The following CADM2 variants were observed in gnomAD, a reference collection of about 807,000 sequenced individuals.
CADM2 encodes the protein cell adhesion molecule 2.
CADM2 carries 12 observed loss-of-function variants against 49.8 expected under a neutral mutation model. The observed-to-expected ratio is 0.24, with a 90% confidence interval of 0.15 to 0.39. The LOEUF (loss-of-function observed/expected upper bound fraction) is 0.39, where lower values mean the gene tolerates loss of function less well. CADM2 is among the 10% of genes least tolerant of loss of function. CADM2 has a pLI of 1.00. For missense variants in CADM2, 378 were observed against 492.3 expected, an observed-to-expected ratio of 0.77 and a Z score of 2.20; for synonymous variants, 214 against 175.4, an observed-to-expected ratio of 1.22 and a Z score of -1.74.
At chr3:85,271,364 C>A (rs1209535194) in intron 1 of CADM2, among the ~76,000 whole-genome samples, 1 of 151,090 alleles carries the variant, frequency 6.6e-6, no homozygotes, top group Non-Finnish European at 1.5e-5. Context: ...TATCAAAATG[C>A]CTTAATATCT....
chr3:84,976,872 G>T (rs990045415), intron 1 of CADM2, among the ~76,000 whole-genome samples: 3 of 151,818 alleles, frequency 2.0e-5, no homozygotes, highest in African/African-American at 7.2e-5. Context: ...TTCTGTAGAA[G>T]ACTTTTTTCA....
chr3:84,966,622 G>A (rs996319209), intron 1 of CADM2, among the ~76,000 whole-genome samples: 1 of 152,030 alleles, frequency 6.6e-6, no homozygotes, highest in Non-Finnish European at 1.5e-5. Context: ...TGAGTGATAA[G>A]AACTTGTTAC....
chr3:85,777,793 A>C (rs770222054), intron 2 of CADM2, among the ~76,000 whole-genome samples: 6 of 152,218 alleles, frequency 3.9e-5, no homozygotes, highest in Non-Finnish European at 5.9e-5. Flanking sequence ...AATTTAAAGA[A>C]AAGCTTTTTA....
intron 1 of CADM2, among the ~76,000 whole-genome samples, chr3:85,577,869 T>C (rs1576849886): frequency 1.3e-5 from 2 of 152,198 alleles, no homozygotes; most frequent in African/African-American, 4.8e-5. Flanking sequence ...AAGAAAACAA[T>C]GTATATTCTG....
chr3:86,033,666 T>A (rs1001167819), intron 8 of CADM2, among the ~76,000 whole-genome samples: 4 of 125,606 alleles, frequency 3.2e-5, no homozygotes, highest in African/African-American at 5.1e-5. Flanking sequence ...CAAGTTTATA[T>A]ATATGTATAT....
At chr3:85,537,030 C>G (rs1339842139) in intron 1 of CADM2, among the ~76,000 whole-genome samples, 1 of 151,908 alleles carries the variant, frequency 6.6e-6, no homozygotes, top group African/African-American at 2.4e-5. Context: ...TTTTAATATT[C>G]TCATTTCTCA....
At chr3:85,414,684 A>T (rs1177577830) in intron 1 of CADM2, among the ~76,000 whole-genome samples, 1 of 152,188 alleles carries the variant, frequency 6.6e-6, no homozygotes, top group Non-Finnish European at 1.5e-5. Context: ...TAAGCTGATT[A>T]TTCTAATAAG....
intron 1 of CADM2, among the ~76,000 whole-genome samples, chr3:85,455,723 A>G (rs558360290): frequency 6.6e-6 from 1 of 152,270 alleles, no homozygotes; most frequent in South Asian, 2.1e-4. Context: ...GGGCAATTTT[A>G]TTAATGACTG....
At chr3:85,341,027 T>C (rs552720684) in intron 1 of CADM2, among the ~76,000 whole-genome samples, 2 of 151,836 alleles carry the variant, frequency 1.3e-5, no homozygotes, top group East Asian at 3.9e-4. Context: ...AGTCACTGTG[T>C]TGCTGGTCTC....
chr3:85,554,438 G>A (rs576451010), intron 1 of CADM2, among the ~76,000 whole-genome samples: 6 of 139,538 alleles, frequency 4.3e-5, no homozygotes, highest in South Asian at 2.1e-4. Flanking sequence ...TGTTCTAGGC[G>A]TTCTTGGATT....
At chr3:85,013,162 C>T (rs1185177473) in intron 1 of CADM2, among the ~76,000 whole-genome samples, 6 of 146,128 alleles carry the variant, frequency 4.1e-5, no homozygotes, top group South Asian at 2.1e-4. Context: ...AAAAAAATAC[C>T]AAATTATGGA....
intron 1 of CADM2, among the ~76,000 whole-genome samples, chr3:85,356,705 G>A (rs1053898154): frequency 2.6e-5 from 4 of 152,058 alleles, no homozygotes; most frequent in African/African-American, 9.7e-5. Context: ...CAAATGCTAT[G>A]CATTTAATGT....
chr3:85,674,168 A>G (rs371728726), intron 1 of CADM2, among the ~76,000 whole-genome samples: 1 of 152,208 alleles, frequency 6.6e-6, no homozygotes, highest in East Asian at 1.9e-4. Context: ...AAAATGGCAG[A>G]CACACAGAAC....
chr3:85,444,554 C>T (rs533181627), intron 1 of CADM2, among the ~76,000 whole-genome samples: 1 of 152,126 alleles, frequency 6.6e-6, no homozygotes. Context: ...ACTTCTTCAA[C>T]TCTTTAAAAT....
At position 85,104,144 on chromosome 3, in the gene CADM2, T is replaced by A. The variant is rs199601300; in HGVS notation, c.61+144476T>A. On this transcript the variant is annotated intron_variant, in intron 1 of 9. Transcript: ENST00000383699. ...GCCCATGCCTATGTCCTGAATGGTA[T>A]TGCCTAGGTTTTCTTCTAGGGTTTT... is the stretch of plus-strand genomic sequence containing the variant. 1.7e-3 allele frequency among the ~76,000 whole-genome samples: 257 copies of A among 151,326 alleles called. 4 individuals are homozygous for A. In the East Asian group the frequency reaches 0.048, roughly 28 times the overall value.
intron 1 of CADM2, among the ~76,000 whole-genome samples, chr3:85,641,353 C>T (rs1019755148): frequency 2.0e-5 from 3 of 152,106 alleles, no homozygotes; most frequent in Non-Finnish European, 4.4e-5. Context: ...TCATGAGGCA[C>T]GTAGAACTAT....
chr3:85,065,257 T>A (rs2036483452), intron 1 of CADM2, among the ~76,000 whole-genome samples: 1 of 152,072 alleles, frequency 6.6e-6, no homozygotes, highest in Admixed American at 6.6e-5. Flanking sequence ...CTAAATAGAA[T>A]CAATTTGACT....
At chr3:85,927,905 T>A (rs1262198531) in intron 6 of CADM2, among the ~76,000 whole-genome samples, 1 of 152,198 alleles carries the variant, frequency 6.6e-6, no homozygotes, top group Non-Finnish European at 1.5e-5. Context: ...AATCTGGTGA[T>A]GGATAAATTT....
At chr3:85,388,720 A>G (rs979918795) in intron 1 of CADM2, among the ~76,000 whole-genome samples, 5 of 152,112 alleles carry the variant, frequency 3.3e-5, no homozygotes, top group Admixed American at 1.3e-4. Context: ...ATTCTGGCCA[A>G]TTAAGGAGGA....
Sources: allele counts gnomAD v4.1 joint callset (sites outside exome capture counted in the v4.1 genomes callset), GRCh38; gene constraint gnomAD v4.1.1; transcripts MANE v1.5; gene names NCBI Gene and HGNC (gene_info 2026-07-23, HGNC 2026-07-21).